Variants in ANK2 observed in about 807,000 individuals in gnomAD.
The protein encoded by ANK2 is ankyrin 2, also known as ankyrin-2.
In ANK2, 83 loss-of-function variants were observed where a neutral mutation model predicts 360.5. The observed-to-expected ratio is 0.23, with a 90% CI of 0.19 to 0.28. The LOEUF (loss-of-function observed/expected upper bound fraction) is 0.28. Among genes scored for constraint, ANK2 ranks in the 10% least tolerant of loss-of-function variants. The pLI is 1.00. For synonymous variants in ANK2, 1,740 were observed against 1,759.5 expected (o/e 0.99, Z 0.28); for missense variants, 4,201 against 4,795.7 (o/e 0.88, Z 3.66).
intron 18 of ANK2, among the ~76,000 whole-genome samples, chr4:113,284,435 C>A (rs1388713493): frequency 1.3e-5 from 2 of 152,152 alleles, no homozygotes; most frequent in African/African-American, 4.8e-5. Context: ...CCAGATAGTT[C>A]ATGAAACTGA....
intron 5 of ANK2, among the ~76,000 whole-genome samples, chr4:113,235,438 C>A (rs539154100): frequency 1.1e-4 from 16 of 152,228 alleles, no homozygotes; most frequent in African/African-American, 3.6e-4. Context: ...CAGAAGTCTG[C>A]AGTGACTTTA....
chr4:113,125,483 A>G (rs1424525978), intron 1 of ANK2, among the ~76,000 whole-genome samples: 1 of 152,216 alleles, frequency 6.6e-6, no homozygotes, highest in Non-Finnish European at 1.5e-5. Context: ...AAGTATATTT[A>G]TACAAAATTA....
At chr4:113,134,758 C>T (rs531118948) in intron 1 of ANK2, among the ~76,000 whole-genome samples, 1 of 152,128 alleles carries the variant, frequency 6.6e-6, no homozygotes, top group Non-Finnish European at 1.5e-5. Flanking sequence ...CAAAATTAAA[C>T]TGTCATGACA....
chr4:112,739,553 G>T, the ANK2 span, among the ~76,000 whole-genome samples: 1 of 152,176 alleles, frequency 6.6e-6, no homozygotes, highest in East Asian at 1.9e-4. Flanking sequence ...GGCGGAGGTT[G>T]CAGTGAGCTG....
At chr4:113,234,422 C>A (rs532758140) in intron 5 of ANK2, among the ~76,000 whole-genome samples, 6 of 152,128 alleles carry the variant, frequency 3.9e-5, no homozygotes, top group African/African-American at 1.4e-4. Context: ...ATTAAAATTA[C>A]TTTTTTCCGA....
At chr4:112,752,542 A>AT in the ANK2 span, among the ~76,000 whole-genome samples, 3,686 of 147,808 alleles carry the variant, frequency 0.025, 120 homozygotes, top group African/African-American at 0.082. Context: ...GGCCTGGCTA[A>AT]TTTTTTTTTT....
In ANK2 at chr4:113,095,703, A is replaced by C. The variant is rs2090733080; in HGVS notation, c.84+45891A>C. On this transcript the variant is annotated intron_variant, in intron 1 of 45. Transcript: ENST00000357077. ...TTATAAGTATAATAATAATTCTTTT[A>C]TAAAAATAGAATTCTTTATCATATG... Among the ~76,000 whole-genome samples, 3 of 152,214 alleles carry C rather than the reference A, an allele frequency of 2.0e-5. No homozygotes were observed. In the South Asian group the frequency reaches 6.2e-4, roughly 32 times the overall value.
At chr4:113,095,468 GA>G (rs1388396876) in intron 1 of ANK2, among the ~76,000 whole-genome samples, 2 of 152,170 alleles carry the variant, frequency 1.3e-5, no homozygotes, top group Non-Finnish European at 2.9e-5. Context: ...TTAGGTGCCT[GA>G]GAGTGTGCCT....
At chr4:113,059,536 G>C (rs1290776248) in intron 1 of ANK2, among the ~76,000 whole-genome samples, 1 of 152,082 alleles carries the variant, frequency 6.6e-6, no homozygotes, top group Non-Finnish European at 1.5e-5. Context: ...AATGTGAAGA[G>C]GAAAGAGTTA....
chr4:113,197,808 G>A (rs1326665104), intron 3 of ANK2, among the ~76,000 whole-genome samples: 1 of 152,016 alleles, frequency 6.6e-6, no homozygotes, highest in African/African-American at 2.4e-5. Flanking sequence ...ACATAAAGAG[G>A]GAGTAAACAT....
the ANK2 span, among the ~76,000 whole-genome samples, chr4:112,707,471 C>T: frequency 6.6e-6 from 1 of 152,096 alleles, no homozygotes; most frequent in Non-Finnish European, 1.5e-5. Flanking sequence ...AATTTTATGA[C>T]AATGCATTTT....
the ANK2 span, among the ~76,000 whole-genome samples, chr4:112,783,514 C>T: frequency 3.2e-4 from 49 of 152,090 alleles, no homozygotes; most frequent in African/African-American, 1.2e-3. Context: ...GTATACCTAA[C>T]AATAAATATA....
chr4:113,174,510 G>T lies in ANK2; in HGVS notation c.179G>T (p.Cys60Phe), dbSNP rs1017008834. 1.9e-6 allele frequency: 3 copies of T among 1,608,922 alleles called. No individual in the cohort carries two copies. The highest frequency in any genetic ancestry group is 2.7e-5 in the African/African-American group (2 of 74,794). The change falls in exon 2 of 46, where the codon TGC (cysteine) becomes TTC (phenylalanine). Residue 60 changes from cysteine (C) to phenylalanine (F), a missense_variant. Cys to Phe is a radical substitution (Grantham distance 205, BLOSUM62 -2). This residue lies in a region of ANK2 where 169 missense variants were observed against 191.1 expected (regional missense o/e 0.88). Transcript: ENST00000357077. The stretch of plus-strand genomic sequence containing the variant: ...AAGGGGGGCATAGACATCAATACCT[G>T]CAATCAGGTAAGAACATGGCAGCTA... Reference protein sequence around the residue: ...YLKGGIDINTCNQNGLNALHL... With the variant: ...YLKGGIDINTFNQNGLNALHL...
intron 2 of ANK2, among the ~76,000 whole-genome samples, chr4:112,936,157 T>C (rs76448873): frequency 0.044 from 6,724 of 152,268 alleles, 509 homozygotes; most frequent in East Asian, 0.32. Context: ...TTGCTTTGTC[T>C]GTCTCTGAAA....
chr4:113,035,969 G>C, intron 2 of ANK2, among the ~76,000 whole-genome samples: 1 of 151,848 alleles, frequency 6.6e-6, no homozygotes, highest in Non-Finnish European at 1.5e-5. Context: ...CTGTTTTTCA[G>C]GTCTAAATAA....
At chr4:112,966,221 G>A (rs1032357439) in intron 2 of ANK2, among the ~76,000 whole-genome samples, 1 of 151,496 alleles carries the variant, frequency 6.6e-6, no homozygotes, top group Non-Finnish European at 1.5e-5. Context: ...CATTATAAAT[G>A]TTTGATTAAA....
chr4:113,316,415 T>C (rs2083000941), intron 24 of ANK2, among the ~76,000 whole-genome samples: 1 of 152,164 alleles, frequency 6.6e-6, no homozygotes, highest in Admixed American at 6.6e-5. Context: ...TCAAAGACAA[T>C]TGATGCGGGC....
At chr4:113,230,297 T>C (rs2153527132) in intron 4 of ANK2, among the ~76,000 whole-genome samples, 1 of 152,328 alleles carries the variant, frequency 6.6e-6, no homozygotes, top group Admixed American at 6.5e-5. Context: ...TTTTGCTGGA[T>C]GTTGGCCATT....
chr4:113,053,523 A>T (rs2068107899), intron 1 of ANK2, among the ~76,000 whole-genome samples: 1 of 152,196 alleles, frequency 6.6e-6, no homozygotes, highest in African/African-American at 2.4e-5. Flanking sequence ...AAAAAGAAGC[A>T]TTGGTAGCTA....
Sources: gnomAD v4.1 joint callset for allele counts (sites outside exome capture counted in the v4.1 genomes callset) on GRCh38, gnomAD v4.1.1 for gene constraint, gnomAD v4.1.1 regional missense constraint, MANE v1.5 for transcripts, NCBI Gene and HGNC (gene_info 2026-07-23, HGNC 2026-07-21) for gene names.